The following ANKRD11 variants were observed in gnomAD, a reference collection of about 807,000 sequenced individuals.
ANKRD11 encodes the protein ankyrin repeat domain-containing protein 11.
A neutral mutation model predicts 195.7 loss-of-function variants in ANKRD11; 17 were observed. The ratio of observed to expected loss-of-function variants is 0.09; its 90% CI spans 0.06 to 0.13. The LOEUF is 0.13. Ranked by LOEUF, ANKRD11 falls within the 10% of genes least tolerant of loss-of-function variation. The pLI is 1.00. For missense variants in ANKRD11, 3,735 were observed against 3,566.1 expected, an observed-to-expected ratio of 1.05 and a Z score of -1.21; for synonymous variants, 1,953 against 1,528.1, an observed-to-expected ratio of 1.28 and a Z score of -6.49.
At chr16:89,488,150 A>C (rs1054288102) in intron 1 of ANKRD11, among the ~76,000 whole-genome samples, 3 of 152,240 alleles carry the variant, frequency 2.0e-5, no homozygotes, top group Non-Finnish European at 4.4e-5. Flanking sequence ...GAACAGAAGA[A>C]AAAAACTGCT....
chr16:89,459,487 C>T (rs2056576658), intron 1 of ANKRD11: 1 of 152,300 alleles, frequency 6.6e-6, no homozygotes, highest in East Asian at 1.9e-4. Flanking sequence ...TGAGCCACGA[C>T]ACCCGGCCTC....
In ANKRD11 at chr16:89,414,842, GT is replaced by G. The variant is rs201673171; in HGVS notation, c.-60+3441del. On this transcript the variant is annotated intron_variant, in intron 2 of 12. Transcript: ENST00000301030. Reference sequence around the variant, plus strand: ...AGCACCGTGTACTGAAGAAGCGACTGTGGATCTCATCTCAACGGCTCACATT... The same window carrying G: ...AGCACCGTGTACTGAAGAAGCGACTGGGATCTCATCTCAACGGCTCACATT... 4.3e-3 allele frequency among the ~76,000 whole-genome samples: 656 copies of G among 152,352 alleles called. 8 individuals carry two copies. The highest frequency in any genetic ancestry group is 0.015 in the African/African-American group (626 of 41,586).
chr16:89,397,429 G>A (rs1364611990), intron 2 of ANKRD11, among the ~76,000 whole-genome samples: 2 of 152,240 alleles, frequency 1.3e-5, no homozygotes, highest in South Asian at 2.1e-4. Flanking sequence ...GACTCCCAGC[G>A]CCGTACCACT....
chr16:89,382,489 C>A (rs533252723), intron 2 of ANKRD11, among the ~76,000 whole-genome samples: 1 of 151,330 alleles, frequency 6.6e-6, no homozygotes, highest in South Asian at 2.1e-4. Flanking sequence ...CCAAGCCTGG[C>A]TAATTTTTTG....
chr16:89,406,036 G>T (rs1386265350), intron 2 of ANKRD11, among the ~76,000 whole-genome samples: 3 of 147,478 alleles, frequency 2.0e-5, no homozygotes, highest in African/African-American at 5.1e-5. Flanking sequence ...CCTGAACCCC[G>T]AAGGCAGAGG....
rs71134220 is a variant in ANKRD11, at chr16:89,415,829, C to CAAAAAAAAAA, written c.-60+2445_-60+2454dup. On this transcript the variant is annotated intron_variant, in intron 2 of 12. Transcript: ENST00000301030. ...TGCACAACAAAGCTAGACTCTGTCTCAAAAAAAAAAAAAAAAAAAAACAAT... is the reference window on the plus strand; with the variant it reads ...TGCACAACAAAGCTAGACTCTGTCTCAAAAAAAAAAAAAAAAAAAAAAAAAAAAAAACAAT... Among the ~76,000 whole-genome samples, 299 of 39,670 alleles carry CAAAAAAAAAA rather than the reference C, an allele frequency of 7.5e-3. 12 individuals carry two copies. The highest frequency in any genetic ancestry group is 0.023 in the Middle Eastern group (1 of 44). The allele number at this position is 39,670 out of a possible 152,430, so 26.0% of individuals were successfully genotyped here. A position where few individuals can be genotyped will look rare whatever the true frequency, so the allele number is the denominator to read the frequency against.
rs1047689247 is a variant in ANKRD11, at chr16:89,310,926, G to T, written c.88-5582C>A. Among the ~76,000 whole-genome samples the T allele has an allele frequency of 2.0e-5, 3 of 152,150 alleles. No homozygotes were observed. The East Asian group carries it at 5.8e-4, about 29-fold the overall frequency. On this transcript the variant is annotated intron_variant, in intron 3 of 12. Transcript: ENST00000301030. Reference sequence around the variant, plus strand: ...TCGTGCTGCCTGGAGTCTGCAGGACGATGCTGACTGCAGTGGAGATGGCCA... The same window carrying T: ...TCGTGCTGCCTGGAGTCTGCAGGACTATGCTGACTGCAGTGGAGATGGCCA...
intron 1 of ANKRD11, among the ~76,000 whole-genome samples, chr16:89,489,373 CCG>C (rs2057731942): frequency 2.0e-5 from 3 of 151,742 alleles, no homozygotes; most frequent in African/African-American, 7.3e-5. Context: ...GCAGCCGCCA[CCG>C]CCACCGCTTT....
At chr16:89,452,355 C>G (rs1398737994) in intron 1 of ANKRD11, among the ~76,000 whole-genome samples, 1 of 152,200 alleles carries the variant, frequency 6.6e-6, no homozygotes, top group Non-Finnish European at 1.5e-5. Flanking sequence ...GCCAAGAGGG[C>G]AAGGTAGGGA....
chr16:89,394,369 C>A (rs1316777318), intron 2 of ANKRD11, among the ~76,000 whole-genome samples: 1 of 152,230 alleles, frequency 6.6e-6, no homozygotes, highest in Non-Finnish European at 1.5e-5. Context: ...TGGCTCCCGC[C>A]CGTAATCCCA....
chr16:89,486,130 T>C (rs1344511879), intron 1 of ANKRD11, among the ~76,000 whole-genome samples: 1 of 152,150 alleles, frequency 6.6e-6, no homozygotes. Flanking sequence ...CCCACCTTTA[T>C]CTAAGTTATA....
At chr16:89,308,718 A>C (rs2036440748) in intron 3 of ANKRD11, among the ~76,000 whole-genome samples, 1 of 152,244 alleles carries the variant, frequency 6.6e-6, no homozygotes, top group Non-Finnish European at 1.5e-5. Flanking sequence ...AATACAAAAA[A>C]AATGACACAA....
chr16:89,342,144 C>CCT (rs2038719915), intron 2 of ANKRD11, among the ~76,000 whole-genome samples: 1 of 152,228 alleles, frequency 6.6e-6, no homozygotes, highest in Admixed American at 6.5e-5. Context: ...CTCTCAGGGC[C>CCT]CTTCTAGATC....
At chr16:89,467,429 A>G (rs1378642606) in intron 1 of ANKRD11, among the ~76,000 whole-genome samples, 4 of 152,230 alleles carry the variant, frequency 2.6e-5, no homozygotes, top group Admixed American at 1.3e-4. Context: ...ACCACAGAGT[A>G]AGACCTTGTC....
At chr16:89,418,428 T>C (rs1399269651) in intron 1 of ANKRD11, 60 bp from the exon 2 acceptor site, 5 of 413,676 alleles carry the variant, frequency 1.2e-5, no homozygotes, top group Non-Finnish European at 2.0e-5. Flanking sequence ...AGTTCTTTCA[T>C]CGCTCTCGTC....
chr16:89,441,235 CAA>C (rs879298779), intron 1 of ANKRD11, among the ~76,000 whole-genome samples: 4 of 138,310 alleles, frequency 2.9e-5, no homozygotes, highest in African/African-American at 5.3e-5. Context: ...GACTCCGTCT[CAA>C]AAAAAAAAAA....
intron 2 of ANKRD11, among the ~76,000 whole-genome samples, chr16:89,408,697 C>G (rs1360826768): frequency 6.6e-6 from 1 of 152,094 alleles, no homozygotes; most frequent in Non-Finnish European, 1.5e-5. Flanking sequence ...GCTAATACAA[C>G]CACCTCTGGC....
At position 89,388,293 on chromosome 16, in the gene ANKRD11, A is replaced by T. The variant is rs1381208153; in HGVS notation, c.-60+29991T>A. Among the ~76,000 whole-genome samples, 36 of 85,280 alleles carry T rather than the reference A, an allele frequency of 4.2e-4. 1 individual carries two copies. The highest frequency in any genetic ancestry group is 8.9e-4 in the South Asian group (2 of 2,240). 55.9% of individuals were successfully genotyped at this position (85,280 alleles called of 152,430 possible). On this transcript the variant is annotated intron_variant, in intron 2 of 12. Transcript: ENST00000301030. ...GTGCTCTCTTCTCTCCATGAGGCTG[A>T]TTTTTTTTTTTTTTTTTTTTTTGAG...
chr16:89,392,299 C>G (rs1176559055), intron 2 of ANKRD11: 3 of 152,402 alleles, frequency 2.0e-5, no homozygotes, highest in Non-Finnish European at 4.4e-5. Flanking sequence ...AGTGCTATTT[C>G]TTTACGGCAC....
Sources: gnomAD v4.1 joint callset for allele counts (sites outside exome capture counted in the v4.1 genomes callset) on GRCh38, gnomAD v4.1.1 for gene constraint, MANE v1.5 for transcripts, NCBI Gene and HGNC (gene_info 2026-07-23, HGNC 2026-07-21) for gene names.